Variants in TDRD10 observed in about 807,000 individuals in gnomAD.
TDRD10 encodes the protein tudor domain-containing protein 10.
Under a neutral mutation model 48.0 loss-of-function variants are expected in TDRD10, and 40 were observed. The observed-to-expected ratio is 0.83, with a 90% CI of 0.65 to 1.09. TDRD10 has a LOEUF of 1.09. Among genes scored for constraint, TDRD10 ranks in the 50% least tolerant of loss-of-function variants. The pLI is 0.00. For synonymous variants in TDRD10, 162 were observed against 170.4 expected, an observed-to-expected ratio of 0.95 and a Z score of 0.38; for missense variants, 378 against 434.7, an observed-to-expected ratio of 0.87 and a Z score of 1.16.
Position 154,541,781 on chromosome 1 carries a change from T to C in TDRD10, c.370-243T>C, listed in dbSNP as rs552421864. ...TTCTGTGACTGTAGCTCCAGATGAG[T>C]GCTCCCTGGCAGCAGCCCTGCTCCC... On this transcript the variant is annotated intron_variant, in intron 6 of 12. Coordinates refer to ENST00000368482, the MANE Select transcript of TDRD10 (RefSeq NM_182499.4). The C allele has an allele frequency of 2.6e-5, 12 of 456,796 alleles. No individual in the cohort carries two copies. The South Asian group carries it at 4.5e-4, about 17-fold the overall frequency. 28.3% of individuals were successfully genotyped at this position (456,796 alleles called of 1,614,324 possible).
At chr1:154,515,136 G>T (rs1693690796) in intron 4 of TDRD10, among the ~76,000 whole-genome samples, 1 of 152,014 alleles carries the variant, frequency 6.6e-6, no homozygotes, top group East Asian at 1.9e-4. Context: ...CCAGAGTGCT[G>T]GGATTATAGG....
chr1:154,537,264 A>G (rs935616988), intron 6 of TDRD10, among the ~76,000 whole-genome samples: 2 of 152,146 alleles, frequency 1.3e-5, no homozygotes, highest in Non-Finnish European at 2.9e-5. Context: ...AGCCAAAGAC[A>G]TTATTCCTCT....
intron 1 of TDRD10, among the ~76,000 whole-genome samples, chr1:154,506,125 C>G (rs557326559): frequency 1.4e-4 from 22 of 152,284 alleles, no homozygotes; most frequent in African/African-American, 4.3e-4. Context: ...TTAAACAACG[C>G]AAATATTATC....
At chr1:154,529,825 G>A (rs1694512648) in intron 6 of TDRD10, among the ~76,000 whole-genome samples, 3 of 151,942 alleles carry the variant, frequency 2.0e-5, no homozygotes, top group Admixed American at 1.3e-4. Context: ...GATTACAGGT[G>A]TGAGCTACTG....
chr1:154,506,630 C>A (rs1199486429), intron 1 of TDRD10, among the ~76,000 whole-genome samples: 1 of 152,232 alleles, frequency 6.6e-6, no homozygotes, highest in Non-Finnish European at 1.5e-5. Flanking sequence ...CCCGCCTCGG[C>A]CTCCCAAAGT....
At chr1:154,540,483 C>A (rs889447932) in intron 6 of TDRD10, among the ~76,000 whole-genome samples, 8 of 118,276 alleles carry the variant, frequency 6.8e-5, no homozygotes, top group Non-Finnish European at 9.8e-5. Flanking sequence ...CCAGCCTGGG[C>A]AACATGGTGA....
At chr1:154,514,361 T>A (rs1391116952) in intron 4 of TDRD10, among the ~76,000 whole-genome samples, 1 of 152,146 alleles carries the variant, frequency 6.6e-6, no homozygotes, top group African/African-American at 2.4e-5. Flanking sequence ...GATAATGGTC[T>A]AGTGAGAAAA....
intron 4 of TDRD10, among the ~76,000 whole-genome samples, chr1:154,519,731 G>C (rs1169228332): frequency 6.9e-6 from 1 of 144,996 alleles, no homozygotes; most frequent in African/African-American, 2.5e-5. Flanking sequence ...GGGTGGCATA[G>C]ACCTTATCAT....
chr1:154,544,415 A>G lies in TDRD10; in HGVS notation c.695A>G (p.Gln232Arg), dbSNP rs931210233. The change falls in exon 10 of 13, where the codon CAG (glutamine) becomes CGG (arginine). Residue 232 changes from glutamine to arginine, a missense_variant. Gln to Arg is a conservative substitution (Grantham distance 43). Around this residue, in one of 2 missense-constraint regions of TDRD10, gnomAD observed 310 missense variants for 323.6 expected, o/e 0.96. Coordinates refer to ENST00000368482, the MANE Select transcript of TDRD10 (RefSeq NM_182499.4). The part of the protein sequence containing the change: ...NMQALFSTLA[Q>R]AEEQQPYLEG... The stretch of plus-strand genomic sequence containing the variant: ...CAGGCTCTGTTTAGCACCCTGGCTC[A>G]GGCGGAGGAGCAGCAGCCCTACCTG... The G allele has an allele frequency of 6.2e-7, 1 of 1,603,220 alleles. No individual in the cohort carries two copies. Among genetic ancestry groups the G allele is most frequent in the Non-Finnish European group, 8.5e-7 (1 of 1,175,482 alleles).
At chr1:154,534,977 C>T (rs1330144206) in intron 6 of TDRD10, among the ~76,000 whole-genome samples, 1 of 152,110 alleles carries the variant, frequency 6.6e-6, no homozygotes, top group African/African-American at 2.4e-5. Context: ...CATGAAGGCA[C>T]TTTACAGAAG....
At position 154,525,989 on chromosome 1, in the gene TDRD10, G is replaced by A. The variant is rs551863626; in HGVS notation, c.369+4510G>A. Among the ~76,000 whole-genome samples the A allele has an allele frequency of 1.7e-3, 254 of 150,940 alleles. 1 individual carries two copies. The highest frequency in any genetic ancestry group is 7.9e-3 in the South Asian group (38 of 4,796). On this transcript the variant is annotated intron_variant, in intron 6 of 12. Transcript: ENST00000368482. The stretch of plus-strand genomic sequence containing the variant: ...GAGGCTGAGGCAGGTGGATCACAAG[G>A]TCAGGAGTTTGAGACCACCCTGGCC...
At chr1:154,545,399 C>T (rs1452098725) in intron 11 of TDRD10, among the ~76,000 whole-genome samples, 1 of 152,212 alleles carries the variant, frequency 6.6e-6, no homozygotes, top group East Asian at 1.9e-4. Context: ...ATTCATTTAG[C>T]TTCAGACACC....
intron 6 of TDRD10, among the ~76,000 whole-genome samples, chr1:154,537,304 C>T (rs1054013215): frequency 6.6e-6 from 1 of 152,214 alleles, no homozygotes; most frequent in Non-Finnish European, 1.5e-5. Flanking sequence ...CTGCTGCCCC[C>T]ACCAGAACGT....
intron 6 of TDRD10, among the ~76,000 whole-genome samples, chr1:154,530,780 C>T (rs1458458370): frequency 6.6e-6 from 1 of 151,938 alleles, no homozygotes; most frequent in African/African-American, 2.4e-5. Flanking sequence ...GCCTTCCAGT[C>T]ACCGGTTCTT....
chr1:154,532,040 G>A (rs539737878), intron 6 of TDRD10, among the ~76,000 whole-genome samples: 62 of 152,322 alleles, frequency 4.1e-4, no homozygotes, highest in African/African-American at 1.5e-3. Context: ...AGTGGATCTC[G>A]CACCGGGGCC....
intron 6 of TDRD10, among the ~76,000 whole-genome samples, chr1:154,532,918 G>A (rs989193948): frequency 3.3e-5 from 5 of 152,126 alleles, no homozygotes; most frequent in Non-Finnish European, 7.4e-5. Flanking sequence ...TCTTGGCGTG[G>A]ATGGCTTCAT....
intron 6 of TDRD10, among the ~76,000 whole-genome samples, chr1:154,539,591 G>A (rs1401967318): frequency 1.3e-5 from 2 of 152,190 alleles, no homozygotes; most frequent in African/African-American, 4.8e-5. Flanking sequence ...GGGATTACAG[G>A]CGTGAGCCGC....
In TDRD10 at chr1:154,520,374, G is replaced by A; in HGVS notation, c.212G>A (p.Cys71Tyr). ...CACAAAATCCAGAATGGCTGCAAAT[G>A]GTAATGACTGTTCTTTCTTTGTTTT... Reference protein sequence around the residue: ...DVHKIQNGCKCFAFVDLGSMQ... With the variant: ...DVHKIQNGCKYFAFVDLGSMQ... Residue 71 changes from cysteine to tyrosine, a missense_variant and splice_region_variant, in exon 5 of 13, where the codon TGC (cysteine) becomes TAC (tyrosine). Physicochemically the swap from Cys to Tyr is radical, Grantham distance 194. Around this residue, in one of 2 missense-constraint regions of TDRD10, gnomAD observed 310 missense variants for 323.6 expected, o/e 0.96. Transcript: ENST00000368482. 1 of 1,611,790 alleles carries A rather than the reference G, an allele frequency of 6.2e-7. No individual in the cohort carries two copies. Among genetic ancestry groups the A allele is most frequent in the Non-Finnish European group, 8.5e-7 (1 of 1,177,956 alleles).
In TDRD10 at chr1:154,503,354, G is replaced by A. The variant is rs192399465; in HGVS notation, c.-28+325G>A. 3.3e-5 allele frequency among the ~76,000 whole-genome samples: 5 copies of A among 152,278 alleles called. No homozygotes were observed. In the East Asian group the frequency reaches 9.7e-4, roughly 29 times the overall value. On this transcript the variant is annotated intron_variant, in intron 1 of 12. Coordinates refer to ENST00000368482, the MANE Select transcript of TDRD10 (RefSeq NM_182499.4). The stretch of plus-strand genomic sequence containing the variant: ...TGTAATCCCAGCACTTTGGGAGGCC[G>A]AGGCGGGCAGATCACCTGAGATCAA...
Sources: gnomAD v4.1 joint callset for allele counts (sites outside exome capture counted in the v4.1 genomes callset) on GRCh38, gnomAD v4.1.1 for gene constraint, gnomAD v4.1.1 regional missense constraint, MANE v1.5 for transcripts, NCBI Gene and HGNC (gene_info 2026-07-23, HGNC 2026-07-21) for gene names.